The following C3orf49 variants were observed in gnomAD, a reference collection of about 807,000 sequenced individuals.
The protein encoded by C3orf49 is chromosome 3 open reading frame 49.
Under a neutral mutation model 13.3 loss-of-function variants are expected in C3orf49, and 27 were observed. The observed-to-expected ratio is 2.02, with a 90% CI of 1.49 to 2.79. The LOEUF (loss-of-function observed/expected upper bound fraction) is 2.79, where lower values mean the gene tolerates loss of function less well. Ranked by LOEUF, C3orf49 falls within the 30% of genes most tolerant of loss-of-function variation. C3orf49 has a pLI of 0.00. For missense variants in C3orf49, 242 were observed against 134.2 expected, an observed-to-expected ratio of 1.80 and a Z score of -3.97; for synonymous variants, 87 against 47.6, an observed-to-expected ratio of 1.83 and a Z score of -3.40.
At chr3:63,841,395 C>T (rs1030853777) in intron 5 of C3orf49, among the ~76,000 whole-genome samples, 29 of 152,160 alleles carry the variant, frequency 1.9e-4, no homozygotes, top group Admixed American at 1.4e-3. Context: ...TTTTATAGTA[C>T]GCAGTAATTA....
At chr3:63,845,997 T>A (rs1701885786) in intron 6 of C3orf49, 1 of 178,180 alleles carries the variant, frequency 5.6e-6, no homozygotes, top group African/African-American at 2.4e-5. Context: ...AACAAAATTC[T>A]TATTGGCATT....
chr3:63,794,105 C>T, the C3orf49 span, among the ~76,000 whole-genome samples: 25 of 151,788 alleles, frequency 1.6e-4, no homozygotes, highest in African/African-American at 5.8e-4. Flanking sequence ...CAGTGAACTA[C>T]GATCATGCCA....
chr3:63,785,214 T>C, the C3orf49 span, among the ~76,000 whole-genome samples: 1 of 151,604 alleles, frequency 6.6e-6, no homozygotes, highest in South Asian at 2.1e-4. Flanking sequence ...TGGGACTACA[T>C]GCGCCCGCCA....
intron 6 of C3orf49, chr3:63,846,039 C>T (rs1039069354): frequency 2.3e-5 from 5 of 218,748 alleles, no homozygotes; most frequent in Admixed American, 1.2e-4. Flanking sequence ...CCTCTAAAAT[C>T]ACCTTTTAAA....
chr3:63,793,086 C>T, the C3orf49 span, among the ~76,000 whole-genome samples: 1 of 152,130 alleles, frequency 6.6e-6, no homozygotes, highest in Non-Finnish European at 1.5e-5. Context: ...TGACACTGAC[C>T]ACAGTGGGTT....
At chr3:63,793,116 C>G in the C3orf49 span, among the ~76,000 whole-genome samples, 1 of 152,174 alleles carries the variant, frequency 6.6e-6, no homozygotes, top group South Asian at 2.1e-4. Context: ...CCCCAAAGAG[C>G]TCTTTCTGTT....
Position 63,823,430 on chromosome 3 carries a change from A to G in C3orf49, c.306A>G (p.Pro102=), listed in dbSNP as rs1377645512. 1 of 703,194 alleles carries G rather than the reference A, an allele frequency of 1.4e-6. No individual in the cohort carries two copies. The highest frequency in any genetic ancestry group is 2.6e-6 in the Non-Finnish European group (1 of 385,090). The allele number at this position is 703,194 out of a possible 1,614,324, so 43.6% of individuals were successfully genotyped here. A position where few individuals can be genotyped will look rare whatever the true frequency, so the allele number is the denominator to read the frequency against. ...TGTCCTACAAGTATAGAAGCAAGCC[A>G]GCATGTGCCAGCCAAGAGGGCTCCA... The part of the protein sequence containing the change: ...RMLSYKYRSK[P]ACASQEGSTD... Residue 102 remains proline (P), a synonymous_variant, in exon 2 of 7, where the codon CCA becomes CCG. Transcript: ENST00000295896.
the C3orf49 span, among the ~76,000 whole-genome samples, chr3:63,783,543 C>CACACACACAT: frequency 6.6e-6 from 1 of 150,688 alleles, no homozygotes; most frequent in East Asian, 2.0e-4. Flanking sequence ...CACACACACA[C>CACACACACAT]ACACACACAC....
chr3:63,792,970 C>T, the C3orf49 span, among the ~76,000 whole-genome samples: 3 of 152,136 alleles, frequency 2.0e-5, no homozygotes, highest in Non-Finnish European at 4.4e-5. Flanking sequence ...ACCAGGTTAA[C>T]CATTGACAAA....
chr3:63,785,065 C>T, the C3orf49 span, among the ~76,000 whole-genome samples: 76 of 64,972 alleles, frequency 1.2e-3, 1 homozygote, highest in South Asian at 8.2e-3. Context: ...TCTTCTTCTT[C>T]TTTTTTTTTT....
At chr3:63,789,733 C>T in the C3orf49 span, among the ~76,000 whole-genome samples, 2 of 150,924 alleles carry the variant, frequency 1.3e-5, no homozygotes, top group Non-Finnish European at 2.9e-5. Context: ...ATTGCTTGAA[C>T]CCTGGGGGCA....
upstream of C3orf49, among the ~76,000 whole-genome samples, chr3:63,814,489 T>C (rs957737580): frequency 2.0e-5 from 3 of 152,114 alleles, no homozygotes; most frequent in Non-Finnish European, 4.4e-5. Context: ...ACTGTTGTCA[T>C]GGTTACCTGA....
chr3:63,827,873 G>T, intron 3 of C3orf49, 148 bp downstream of exon 3: 3 of 569,046 alleles, frequency 5.3e-6, no homozygotes, highest in Non-Finnish European at 3.1e-6. Flanking sequence ...AGAATTTAGG[G>T]TACTCTCTGG....
At chr3:63,826,281 T>C (rs918356341) in intron 2 of C3orf49, among the ~76,000 whole-genome samples, 11 of 152,048 alleles carry the variant, frequency 7.2e-5, no homozygotes, top group Non-Finnish European at 1.5e-4. Context: ...CTGGATTGGA[T>C]GAGGGTAAGC....
intron 4 of C3orf49, 58 bp from the exon 5 acceptor site, chr3:63,831,613 CTATCCCTTT>C (rs1701532149): frequency 1.5e-6 from 1 of 676,904 alleles, no homozygotes; most frequent in Non-Finnish European, 2.6e-6. Flanking sequence ...GGAAAAGCAA[CTATCCCTTT>C]GATTTTGACA....
the C3orf49 span, chr3:63,779,972 A>C: frequency 6.6e-6 from 1 of 152,160 alleles, no homozygotes; most frequent in East Asian, 1.9e-4. Flanking sequence ...TATTGTGCTG[A>C]GTTGAGTTTT....
intron 1 of C3orf49, among the ~76,000 whole-genome samples, chr3:63,820,619 G>C (rs1372075712): frequency 6.6e-6 from 1 of 152,122 alleles, no homozygotes; most frequent in Admixed American, 6.5e-5. Context: ...GCATTGTTCT[G>C]TGTCACAGTA....
chr3:63,823,210 T>C (rs1224328296), intron 1 of C3orf49, 40 bp from the exon 2 acceptor site: 3 of 624,670 alleles, frequency 4.8e-6, no homozygotes, highest in Non-Finnish European at 8.6e-6. Flanking sequence ...ACTTTTAACT[T>C]TTCAGTTTCC....
chr3:63,828,128 T>G (rs986447509), intron 3 of C3orf49, among the ~76,000 whole-genome samples: 1 of 152,256 alleles, frequency 6.6e-6, no homozygotes, highest in Non-Finnish European at 1.5e-5. Flanking sequence ...CATTTGGCTT[T>G]GAGACTTTGA....
Sources: gnomAD v4.1 joint callset for allele counts (sites outside exome capture counted in the v4.1 genomes callset) on GRCh38, gnomAD v4.1.1 for gene constraint, MANE v1.5 for transcripts, NCBI Gene and HGNC (gene_info 2026-07-23, HGNC 2026-07-21) for gene names.